Variants in GMEB2 observed in about 807,000 individuals in gnomAD.
GMEB2 encodes glucocorticoid modulatory element binding protein 2, also known as glucocorticoid modulatory element-binding protein 2.
Under a neutral mutation model 45.7 loss-of-function variants are expected in GMEB2, and 7 were observed. That is an observed-to-expected ratio of 0.15 (90% CI 0.09 to 0.29). GMEB2 has a LOEUF of 0.29. Among genes scored for constraint, GMEB2 ranks in the 10% least tolerant of loss-of-function variants. GMEB2 has a pLI of 1.00. For synonymous variants in GMEB2, 322 were observed against 323.6 expected (o/e 1.00, Z 0.05); for missense variants, 582 against 739.2 (o/e 0.79, Z 2.47).
chr20:63,592,618 C>T lies in GMEB2; in HGVS notation c.744G>A (p.Glu248=). ...GCTCCTGGTGGAACTCCTGGATGAC[C>T]TCGTCCAGCAGGCCGGCGTCCTTCA... ...RGLKDAGLLD[E]VIQEFHQELV... is the part of the protein sequence containing the mutation. The change falls in exon 8 of 10, where the codon GAG becomes GAA. Residue 248 remains glutamate (E), a synonymous_variant. Transcript: ENST00000370077. This position sits in a 1 kb window ranked among gnomAD's most constrained non-coding sequence, Gnocchi z 8.2. The T allele has an allele frequency of 6.2e-7, 1 of 1,611,556 alleles. No individual in the cohort carries two copies. Among genetic ancestry groups the T allele is most frequent in the Non-Finnish European group, 8.5e-7 (1 of 1,177,740 alleles).
At chr20:63,626,805 C>T (rs1370747693) in intron 1 of GMEB2, among the ~76,000 whole-genome samples, 151 bp downstream of exon 1, 1 of 146,156 alleles carries the variant, frequency 6.8e-6, no homozygotes, top group Non-Finnish European at 1.5e-5. Flanking sequence ...CGCCTGACGC[C>T]GCCGCCCGCG....
intron 2 of GMEB2, among the ~76,000 whole-genome samples, chr20:63,606,921 C>G (rs893708750): frequency 6.6e-6 from 1 of 152,176 alleles, no homozygotes; most frequent in Admixed American, 6.5e-5. Context: ...ACCACGCGTA[C>G]GGGAGAGTCT....
intron 1 of GMEB2, among the ~76,000 whole-genome samples, chr20:63,625,593 TTTTA>T (rs1307508970): frequency 1.3e-5 from 2 of 151,370 alleles, no homozygotes; most frequent in African/African-American, 4.9e-5. Context: ...TGAGAAAATA[TTTTA>T]TTTTACTTTT....
chr20:63,592,426 C>T lies in GMEB2; in HGVS notation c.829+107G>A. ...GAGTCCCAAGCCTAGATTCAGCCTC[C>T]AACCCAGCAGCACAGAAGGGCCTAG... On this transcript the variant is annotated intron_variant, in intron 8 of 9. Transcript: ENST00000370077. The surrounding 1 kb of genome is among the most constrained non-coding windows in gnomAD (Gnocchi z 8.2). 1 of 861,870 alleles carries T rather than the reference C, an allele frequency of 1.2e-6. No individual in the cohort carries two copies. Among genetic ancestry groups the T allele is most frequent in the Non-Finnish European group, 1.8e-6 (1 of 558,114 alleles). 53.4% of individuals were successfully genotyped at this position (861,870 alleles called of 1,614,324 possible).
chr20:63,597,849 A>G lies in GMEB2; in HGVS notation c.369T>C (p.His123=), dbSNP rs1409615594. The change falls in exon 5 of 10, where the codon CAT becomes CAC. Residue 123 remains histidine (H), a synonymous_variant. Coordinates refer to ENST00000370077, the MANE Select transcript of GMEB2 (RefSeq NM_012384.5). ...INVKCVQYDE[H]VISPKEFVHL... ...GCACAAATTCCTTTGGGCTGATTAC[A>G]TGCTCGTCGTACTGTGGGGGACACA... is the stretch of plus-strand genomic sequence containing the variant. The G allele has an allele frequency of 6.3e-7, 1 of 1,598,740 alleles. No homozygotes were observed. Among genetic ancestry groups the G allele is most frequent in the Non-Finnish European group, 8.6e-7 (1 of 1,166,086 alleles).
intron 4 of GMEB2, among the ~76,000 whole-genome samples, chr20:63,599,695 G>A (rs2083227528): frequency 6.6e-6 from 1 of 152,142 alleles, no homozygotes; most frequent in Non-Finnish European, 1.5e-5. Flanking sequence ...GTCACCTATG[G>A]TACATTTCTT....
intron 4 of GMEB2, among the ~76,000 whole-genome samples, chr20:63,599,408 G>C (rs559940809): frequency 6.6e-6 from 1 of 152,174 alleles, no homozygotes; most frequent in African/African-American, 2.4e-5. Flanking sequence ...TCCTATCTCC[G>C]CCTGCAATGC....
intron 6 of GMEB2, 21 bp downstream of exon 6, chr20:63,595,589 C>A (rs1370472415): frequency 6.3e-7 from 1 of 1,576,948 alleles, no homozygotes; most frequent in Non-Finnish European, 8.6e-7. Context: ...TGGGTCAGGA[C>A]GAGCAGCCCT....
At position 63,607,058 on chromosome 20, in the gene GMEB2, C is replaced by A. The variant is rs561964066; in HGVS notation, c.132-2218G>T. ...ACCCACCTCCATTTCTAGAAACATG[C>A]CCCTCTGACCCACCTCCATTTCTAG... is the stretch of plus-strand genomic sequence containing the variant. On this transcript the variant is annotated intron_variant, in intron 2 of 9. Coordinates refer to ENST00000370077, the MANE Select transcript of GMEB2 (RefSeq NM_012384.5). Among the ~76,000 whole-genome samples the A allele has an allele frequency of 4.6e-5, 7 of 151,776 alleles. No homozygotes were observed. In the East Asian group the frequency reaches 1.2e-3, roughly 25 times the overall value.
chr20:63,615,904 T>G (rs2089604958), intron 2 of GMEB2, among the ~76,000 whole-genome samples: 1 of 152,200 alleles, frequency 6.6e-6, no homozygotes, highest in African/African-American at 2.4e-5. Context: ...AAAGAAAAAT[T>G]CATATGTTTC....
At chr20:63,618,917 T>G (rs755318258) in intron 2 of GMEB2, among the ~76,000 whole-genome samples, 62 of 152,198 alleles carry the variant, frequency 4.1e-4, no homozygotes, top group Non-Finnish European at 7.3e-4. Context: ...CACAGTTTCA[T>G]GAAGACTGTC....
rs79502954 is a variant in GMEB2, at chr20:63,602,208, G to A, written c.357+757C>T. Among the ~76,000 whole-genome samples the A allele has an allele frequency of 9.8e-3, 1,496 of 152,334 alleles. 27 individuals carry two copies. Among genetic ancestry groups the A allele is most frequent in the African/African-American group, 0.034 (1,429 of 41,568 alleles). ...CTGCCAGCTGGGAGCCACTGATAAC[G>A]ACACTCTCAGCTTGAGGCTTTCAGA... On this transcript the variant is annotated intron_variant, in intron 4 of 9. Coordinates refer to ENST00000370077, the MANE Select transcript of GMEB2 (RefSeq NM_012384.5).
intron 2 of GMEB2, among the ~76,000 whole-genome samples, chr20:63,606,570 A>T (rs1476995552): frequency 6.6e-6 from 1 of 152,168 alleles, no homozygotes; most frequent in African/African-American, 2.4e-5. Context: ...GATGGTCTCG[A>T]TCTCCTGACC....
chr20:63,599,991 T>C (rs1411836936), intron 4 of GMEB2, among the ~76,000 whole-genome samples: 1 of 152,138 alleles, frequency 6.6e-6, no homozygotes, highest in Non-Finnish European at 1.5e-5. Context: ...CTCTAATCCA[T>C]TGTCCATAGT....
At chr20:63,623,810 C>A (rs539219319) in intron 1 of GMEB2, among the ~76,000 whole-genome samples, 1 of 149,438 alleles carries the variant, frequency 6.7e-6, no homozygotes, top group African/African-American at 2.5e-5. Flanking sequence ...AAAAAAAAAG[C>A]CACTTTAAAA....
intron 4 of GMEB2, among the ~76,000 whole-genome samples, chr20:63,600,167 C>T (rs895940453): frequency 4.6e-5 from 7 of 151,938 alleles, no homozygotes; most frequent in Admixed American, 1.3e-4. Context: ...CTCAGCCTCC[C>T]GAGTAGCTGG....
intron 9 of GMEB2, among the ~76,000 whole-genome samples, chr20:63,591,228 A>G (rs1569046933): frequency 6.7e-6 from 1 of 149,574 alleles, no homozygotes; most frequent in African/African-American, 2.5e-5. Context: ...GTGAACACAC[A>G]AAGTGAAGAG....
intron 2 of GMEB2, among the ~76,000 whole-genome samples, chr20:63,605,682 C>T (rs1216158884): frequency 6.6e-6 from 1 of 151,864 alleles, no homozygotes; most frequent in Non-Finnish European, 1.5e-5. Context: ...AGGCTGGGTG[C>T]AGTGGCTCAC....
intron 2 of GMEB2, among the ~76,000 whole-genome samples, chr20:63,606,012 C>A (rs2089516293): frequency 6.6e-6 from 1 of 151,606 alleles, no homozygotes; most frequent in Non-Finnish European, 1.5e-5. Flanking sequence ...GCAGCGAGTG[C>A]CCCAGCAAGG....
Sources: allele counts gnomAD v4.1 joint callset (sites outside exome capture counted in the v4.1 genomes callset), GRCh38; gene constraint gnomAD v4.1.1; non-coding constraint Gnocchi (gnomAD v3.1); transcripts MANE v1.5; gene names NCBI Gene and HGNC (gene_info 2026-07-23, HGNC 2026-07-21).